The following WDR27 variants were observed in gnomAD, a reference collection of about 807,000 sequenced individuals.
WDR27 encodes WD repeat domain 27.
Under a neutral mutation model 114.4 loss-of-function variants are expected in WDR27, and 100 were observed. The observed-to-expected ratio is 0.87, with a 90% confidence interval of 0.74 to 1.03. The LOEUF is 1.03. WDR27 is among the 50% of genes least tolerant of loss of function. The probability of loss-of-function intolerance (pLI) is 0.00; values close to 1 mark genes in which losing one functional copy is unlikely to be tolerated. For synonymous variants in WDR27, 449 were observed against 423.1 expected, an observed-to-expected ratio of 1.06 and a Z score of -0.75; for missense variants, 1,129 against 1,092.9, an observed-to-expected ratio of 1.03 and a Z score of -0.47.
At chr6:169,465,091 T>C (rs1785380469) in intron 25 of WDR27, among the ~76,000 whole-genome samples, 1 of 151,384 alleles carries the variant, frequency 6.6e-6, no homozygotes, top group South Asian at 2.1e-4. Flanking sequence ...AAACCCCATC[T>C]CTACTAAAAA....
intron 2 of WDR27, among the ~76,000 whole-genome samples, chr6:169,675,003 T>G (rs926989548): frequency 5.3e-5 from 8 of 152,142 alleles, no homozygotes; most frequent in Admixed American, 2.0e-4. Flanking sequence ...TGTCATCAGT[T>G]AAGGCGGGAA....
Position 169,579,248 on chromosome 6 carries a change from G to A in WDR27, c.2523+3588C>T, listed in dbSNP as rs370805680. On this transcript the variant is annotated intron_variant, in intron 24 of 25. Transcript: ENST00000448612. Reference sequence around the variant, plus strand: ...ATGAAAGGTCTGATCATTTGATGAGGCTGTAATGTGGAGGTAGAAGAGAGA... The same window carrying A: ...ATGAAAGGTCTGATCATTTGATGAGACTGTAATGTGGAGGTAGAAGAGAGA... Among the ~76,000 whole-genome samples the A allele has an allele frequency of 1.8e-4, 27 of 152,330 alleles. No homozygotes were observed. In the East Asian group the frequency reaches 2.7e-3, roughly 15 times the overall value.
At chr6:169,467,388 G>T (rs1229340426) in intron 25 of WDR27, among the ~76,000 whole-genome samples, 2 of 152,214 alleles carry the variant, frequency 1.3e-5, no homozygotes, top group Non-Finnish European at 2.9e-5. Context: ...CCTAGTAGGG[G>T]TTCTTCATGA....
chr6:169,453,388 G>GA (rs377379577), downstream of WDR27, among the ~76,000 whole-genome samples: 815 of 148,678 alleles, frequency 5.5e-3, 1 homozygote, highest in South Asian at 9.2e-3. Flanking sequence ...CATCCGTTGG[G>GA]AAAAAAAAAA....
chr6:169,602,396 T>C (rs1030087112), intron 22 of WDR27, 75 bp from the exon 23 acceptor site: 5 of 942,274 alleles, frequency 5.3e-6, no homozygotes, highest in Non-Finnish European at 8.1e-6. Flanking sequence ...AGAAAACAAC[T>C]TGTTGCTTTT....
chr6:169,611,827 T>A (rs898581686), intron 22 of WDR27, among the ~76,000 whole-genome samples: 1 of 152,152 alleles, frequency 6.6e-6, no homozygotes, highest in African/African-American at 2.4e-5. Context: ...CATGGAGCTG[T>A]CATCTCCCTC....
At chr6:169,635,675 C>T (rs989334231) in intron 19 of WDR27, among the ~76,000 whole-genome samples, 2 of 152,236 alleles carry the variant, frequency 1.3e-5, no homozygotes, top group South Asian at 2.1e-4. Flanking sequence ...ATGAGAGAAG[C>T]AGGCAGATGC....
chr6:169,444,977 G>A, the WDR27 span, among the ~76,000 whole-genome samples: 1 of 152,190 alleles, frequency 6.6e-6, no homozygotes, highest in Admixed American at 6.5e-5. Context: ...AGCTCAGGGT[G>A]AGGATCAAGT....
At chr6:169,453,986 C>T (rs1269314406), downstream of WDR27, among the ~76,000 whole-genome samples, 1 of 152,138 alleles carries the variant, frequency 6.6e-6, no homozygotes, top group Non-Finnish European at 1.5e-5. Context: ...TTTGGGTTGG[C>T]AGCTGCAGTG....
intron 22 of WDR27, among the ~76,000 whole-genome samples, chr6:169,611,003 T>C (rs1810404100): frequency 6.6e-6 from 1 of 152,084 alleles, no homozygotes; most frequent in South Asian, 2.1e-4. Context: ...ATACAATTCA[T>C]TCATGTAACC....
At chr6:169,664,426 T>C (rs554969113) in intron 7 of WDR27, 140 bp from the exon 8 acceptor site, 809 of 1,524,056 alleles carry the variant, frequency 5.3e-4, no homozygotes, top group Non-Finnish European at 6.7e-4. Flanking sequence ...CCGGCACAGC[T>C]GTCTCCTGCC....
intron 25 of WDR27, among the ~76,000 whole-genome samples, chr6:169,509,910 C>T (rs1259860759): frequency 2.6e-5 from 4 of 152,276 alleles, no homozygotes; most frequent in Non-Finnish European, 2.9e-5. Context: ...CCAGAATCTA[C>T]AATGAACTCA....
At chr6:169,578,977 C>T (rs981259161) in intron 24 of WDR27, among the ~76,000 whole-genome samples, 2 of 152,160 alleles carry the variant, frequency 1.3e-5, no homozygotes, top group African/African-American at 4.8e-5. Context: ...CACCAGCACC[C>T]TAGGTACACG....
intron 13 of WDR27, among the ~76,000 whole-genome samples, chr6:169,654,118 T>C (rs1449417185): frequency 1.3e-5 from 2 of 152,200 alleles, no homozygotes; most frequent in Non-Finnish European, 2.9e-5. Context: ...ACTTCTCTAA[T>C]GAAAATTGAT....
intron 21 of WDR27, among the ~76,000 whole-genome samples, chr6:169,625,129 G>A (rs1814474002): frequency 6.6e-6 from 1 of 152,224 alleles, no homozygotes; most frequent in South Asian, 2.1e-4. Flanking sequence ...AGGTCATGGA[G>A]TTCTTCTGGG....
intron 25 of WDR27, among the ~76,000 whole-genome samples, chr6:169,489,868 C>T (rs1789511131): frequency 6.6e-6 from 1 of 152,146 alleles, no homozygotes; most frequent in African/African-American, 2.4e-5. Context: ...TTCCTGAGTC[C>T]CAACATGTGG....
chr6:169,647,802 C>G lies in WDR27; in HGVS notation c.1628G>C (p.Cys543Ser), dbSNP rs1170702232. The change falls in exon 16 of 26, where the codon TGC becomes TCC. Residue 543 changes from cysteine to serine, a missense_variant. Transcript: ENST00000448612. ...GTACTGGATGCAGCATACACGTGTGCAGGTGGGGGCGGCAGCGACCTGGGG... is the reference window on the plus strand; with the variant it reads ...GTACTGGATGCAGCATACACGTGTGGAGGTGGGGGCGGCAGCGACCTGGGG... ...PGPQVAAAPTCTRVCCIQYSG... is the reference protein window; with the variant it reads ...PGPQVAAAPTSTRVCCIQYSG... 3 of 1,584,338 alleles carry G rather than the reference C, an allele frequency of 1.9e-6. No homozygotes were observed. The highest frequency in any genetic ancestry group is 2.6e-6 in the Non-Finnish European group (3 of 1,166,158).
Position 169,668,107 on chromosome 6 carries a change from T to C in WDR27, c.535A>G (p.Thr179Ala). 1 of 1,614,040 alleles carries C rather than the reference T, an allele frequency of 6.2e-7. No homozygotes were observed. Among genetic ancestry groups the C allele is most frequent in the African/African-American group, 1.3e-5 (1 of 75,060 alleles). Residue 179 changes from threonine (T) to alanine (A), a missense_variant, in exon 5 of 26, where the codon ACA becomes GCA. Transcript: ENST00000448612. ...CGAACAGCCTGAGTCTGAGAGAATG[T>C]GTGCAGGAAGGTCGGTGGTGGGACT... is the stretch of plus-strand genomic sequence containing the variant. Reference protein sequence around the residue: ...HKVPPPTFLHTFSQTQAVRAE... With the variant: ...HKVPPPTFLHAFSQTQAVRAE...
At chr6:169,452,384 G>A (rs1421647178), downstream of WDR27, among the ~76,000 whole-genome samples, 1 of 152,246 alleles carries the variant, frequency 6.6e-6, no homozygotes, top group Non-Finnish European at 1.5e-5. Flanking sequence ...GTAGATTACT[G>A]ACACGCGGTC....
Sources: allele counts gnomAD v4.1 joint callset (sites outside exome capture counted in the v4.1 genomes callset), GRCh38; gene constraint gnomAD v4.1.1; transcripts MANE v1.5; gene names NCBI Gene and HGNC (gene_info 2026-07-23, HGNC 2026-07-21).